Variants in VPS9D1 observed in about 807,000 individuals in gnomAD.
VPS9D1 encodes the protein VPS9 domain-containing protein 1.
Under a neutral mutation model 75.8 loss-of-function variants are expected in VPS9D1, and 78 were observed. The observed-to-expected ratio is 1.03, with a 90% CI of 0.86 to 1.24. The LOEUF is 1.24. Ranked by LOEUF, VPS9D1 falls within the 50% of genes most tolerant of loss-of-function variation. VPS9D1 has a pLI of 0.00. For missense variants in VPS9D1, 1,057 were observed against 847.7 expected (o/e 1.25, Z -3.07); for synonymous variants, 481 against 385.6 (o/e 1.25, Z -2.90).
In VPS9D1 at chr16:89,716,770, C is replaced by G. The variant is rs369968317; in HGVS notation, c.228G>C (p.Gln76His). Residue 76 changes from glutamine to histidine, a missense_variant, in exon 3 of 15, where the codon CAG becomes CAC. Gln to His is a conservative substitution (Grantham distance 24). Coordinates refer to ENST00000389386, the MANE Select transcript of VPS9D1 (RefSeq NM_004913.3). ...PDTSKMLKLA[Q>H]QCLERAQSTA... ...TCGACTGGGCCCTCTCCAGACACTG[C>G]TGTGCTAGCTTCAGCATCTTGGAGG... The G allele has an allele frequency of 1.9e-6, 3 of 1,594,330 alleles. No individual in the cohort carries two copies. Among genetic ancestry groups the G allele is most frequent in the Non-Finnish European group, 2.6e-6 (3 of 1,173,872 alleles).
chr16:89,708,877 C>G lies in VPS9D1; in HGVS notation c.1677G>C (p.Pro559=). The change falls in exon 13 of 15, where the codon CCG becomes CCC. Residue 559 remains proline (P), a synonymous_variant. Coordinates refer to ENST00000389386, the MANE Select transcript of VPS9D1 (RefSeq NM_004913.3). The part of the protein sequence containing the change: ...TPEATPQAGP[P]PIAAAAIGAD... ...CTCACATGGCAGCTGCAGCGATGGG[C>G]GGGGGCCCGGCCTGGGGTGTGGCCT... The G allele has an allele frequency of 1.9e-6, 3 of 1,584,376 alleles. No homozygotes were observed. Among genetic ancestry groups the G allele is most frequent in the Non-Finnish European group, 2.6e-6 (3 of 1,171,922 alleles).
At position 89,717,802 on chromosome 16, in the gene VPS9D1, A is replaced by C. The variant is rs909361288; in HGVS notation, c.176-980T>G. On this transcript the variant is annotated intron_variant, in intron 2 of 14. Coordinates refer to ENST00000389386, the MANE Select transcript of VPS9D1 (RefSeq NM_004913.3). ...GCTCAGCCGAGCTCACCGGCTCCCTAGGGAGCTGGGGCAACTGTTAGCTCC... is the reference window on the plus strand; with the variant it reads ...GCTCAGCCGAGCTCACCGGCTCCCTCGGGAGCTGGGGCAACTGTTAGCTCC... 3.5e-5 allele frequency: 16 copies of C among 456,616 alleles called. No homozygotes were observed. In the Middle Eastern group the frequency reaches 1.3e-3, roughly 37 times the overall value. 28.3% of individuals were successfully genotyped at this position (456,616 alleles called of 1,614,324 possible).
Position 89,712,511 on chromosome 16 carries a change from T to C in VPS9D1, c.555A>G (p.Leu185=), listed in dbSNP as rs139626173. ...CTAGGTTCTCCATCATCTGCCGCTGTAGAGAGAGGGTCTGGGGGGGGAGGA... is the reference window on the plus strand; with the variant it reads ...CTAGGTTCTCCATCATCTGCCGCTGCAGAGAGAGGGTCTGGGGGGGGAGGA... ...AMQKTSLTLS[L]QRQMMENLVI... is the part of the protein sequence containing the mutation. Residue 185 remains leucine, a synonymous_variant, in exon 6 of 15, where the codon CTA becomes CTG. Transcript: ENST00000389386. The C allele has an allele frequency of 3.0e-3, 4,800 of 1,612,864 alleles. 132 individuals carry two copies. The African/African-American group carries it at 0.056, about 19-fold the overall frequency.
intron 12 of VPS9D1, 110 bp downstream of exon 12, chr16:89,709,116 CA>C: frequency 3.4e-6 from 5 of 1,464,540 alleles, no homozygotes; most frequent in Non-Finnish European, 4.6e-6. Context: ...TCTGGTCCCC[CA>C]ACCTCCCCAC....
chr16:89,714,737 C>G (rs2061021142), intron 4 of VPS9D1, among the ~76,000 whole-genome samples: 1 of 152,190 alleles, frequency 6.6e-6, no homozygotes, highest in South Asian at 2.1e-4. Flanking sequence ...CTCCCATTTT[C>G]TTTCTTCTTT....
chr16:89,719,733 T>G (rs1459483973), intron 1 of VPS9D1, among the ~76,000 whole-genome samples: 2 of 152,126 alleles, frequency 1.3e-5, no homozygotes, highest in African/African-American at 4.8e-5. Flanking sequence ...TGTTTTGTTT[T>G]GTTGAGACAG....
In VPS9D1 at chr16:89,711,869, GT is replaced by G; in HGVS notation, c.747+12del. The G allele has an allele frequency of 6.5e-7, 1 of 1,549,722 alleles. No homozygotes were observed. The highest frequency in any genetic ancestry group is 8.7e-7 in the Non-Finnish European group (1 of 1,146,218). On this transcript the variant is annotated intron_variant, in intron 8 of 14. Transcript: ENST00000389386. ...GGCTCCTCCTACAAAGCCTGGGCCCGTGGGGGACGCACATGGTCCTGTTCGT... is the reference window on the plus strand; with the variant it reads ...GGCTCCTCCTACAAAGCCTGGGCCCGGGGGGACGCACATGGTCCTGTTCGT...
intron 2 of VPS9D1, 64 bp from the exon 3 acceptor site, chr16:89,716,886 A>C (rs1444900599): frequency 6.9e-7 from 1 of 1,447,084 alleles, no homozygotes; most frequent in Non-Finnish European, 9.2e-7. Context: ...TGCTGAGATA[A>C]AATGAGGCAA....
chr16:89,718,087 T>C (rs916544826), intron 2 of VPS9D1: 1 of 455,272 alleles, frequency 2.2e-6, no homozygotes, highest in Non-Finnish European at 4.4e-6. Context: ...CTATGTCCAG[T>C]GGCTCCCCCT....
chr16:89,709,939 G>T, intron 10 of VPS9D1, 33 bp from the exon 11 acceptor site: 1 of 1,571,780 alleles, frequency 6.4e-7, no homozygotes, highest in Non-Finnish European at 8.6e-7. Flanking sequence ...CGTCCACAGA[G>T]GCTCCTCCCC....
In VPS9D1 at chr16:89,709,219, C is replaced by T. The variant is rs1203044020; in HGVS notation, c.1597+8G>A. The T allele has an allele frequency of 1.1e-5, 17 of 1,611,892 alleles. No individual in the cohort carries two copies. The highest frequency in any genetic ancestry group is 1.4e-5 in the Non-Finnish European group (17 of 1,179,976). ...CTGTCCCTCCCCCTGACTCTCGAACCTGCTGACCTATGCACTCCAGCTTCT... is the reference window on the plus strand; with the variant it reads ...CTGTCCCTCCCCCTGACTCTCGAACTTGCTGACCTATGCACTCCAGCTTCT... On this transcript the variant is annotated splice_region_variant and intron_variant, in intron 12 of 14. Coordinates refer to ENST00000389386, the MANE Select transcript of VPS9D1 (RefSeq NM_004913.3).
chr16:89,708,597 T>C lies in VPS9D1; in HGVS notation c.1698-66A>G, dbSNP rs1408533362. The C allele has an allele frequency of 4.0e-6, 6 of 1,511,138 alleles. No individual in the cohort carries two copies. The Admixed American group carries it at 7.5e-5, about 19-fold the overall frequency. 93.6% of individuals were successfully genotyped at this position (1,511,138 alleles called of 1,614,324 possible). A position where few individuals can be genotyped will look rare whatever the true frequency, so the allele number is the denominator to read the frequency against. Reference sequence around the variant, plus strand: ...CCTCTCACTCCGCAAACCCAGCAGCTGTGGAGCCATCCTGGCCGTGCTGGC... The same window carrying C: ...CCTCTCACTCCGCAAACCCAGCAGCCGTGGAGCCATCCTGGCCGTGCTGGC... On this transcript the variant is annotated intron_variant, in intron 13 of 14. Coordinates refer to ENST00000389386, the MANE Select transcript of VPS9D1 (RefSeq NM_004913.3).
chr16:89,716,062 T>A (rs999740911), intron 4 of VPS9D1, among the ~76,000 whole-genome samples: 3 of 150,012 alleles, frequency 2.0e-5, no homozygotes, highest in Admixed American at 2.0e-4. Context: ...CAGTGGCTCA[T>A]GCCTGTAATC....
At chr16:89,719,297 C>T (rs1337854197) in intron 1 of VPS9D1, 195 bp from the exon 2 acceptor site, 6 of 649,064 alleles carry the variant, frequency 9.2e-6, no homozygotes, top group East Asian at 3.1e-5. Context: ...CAGGCAGCAT[C>T]GCTGCTCTCC....
At chr16:89,717,476 A>G (rs2061101818) in intron 2 of VPS9D1, 1 of 442,404 alleles carries the variant, frequency 2.3e-6, no homozygotes, top group African/African-American at 2.0e-5. Context: ...GCGACCATGG[A>G]CCTGCTCACA....
intron 4 of VPS9D1, among the ~76,000 whole-genome samples, chr16:89,714,216 G>A (rs1314382684): frequency 6.6e-6 from 1 of 152,140 alleles, no homozygotes; most frequent in Admixed American, 6.5e-5. Flanking sequence ...GGGATTACAG[G>A]CGGGAGCCAC....
chr16:89,718,101 C>T, intron 2 of VPS9D1: 1 of 455,346 alleles, frequency 2.2e-6, no homozygotes, highest in South Asian at 1.6e-5. Flanking sequence ...TCCCCCTGAC[C>T]TCTGTGATCC....
intron 9 of VPS9D1, 130 bp from the exon 10 acceptor site, chr16:89,711,140 C>A: frequency 8.2e-7 from 1 of 1,213,822 alleles, no homozygotes; most frequent in Non-Finnish European, 1.1e-6. Flanking sequence ...GGAAAGTCTG[C>A]CCCCCGCCCC....
At position 89,711,986 on chromosome 16, in the gene VPS9D1, G is replaced by A; in HGVS notation, c.660-17C>T. The A allele has an allele frequency of 1.9e-6, 3 of 1,550,296 alleles. No individual in the cohort carries two copies. The highest frequency in any genetic ancestry group is 2.6e-6 in the Non-Finnish European group (3 of 1,146,648). On this transcript the variant is annotated splice_polypyrimidine_tract_variant and intron_variant, in intron 7 of 14. Coordinates refer to ENST00000389386, the MANE Select transcript of VPS9D1 (RefSeq NM_004913.3). The stretch of plus-strand genomic sequence containing the variant: ...CAAAACCTCCTGGGGAGAAAGGCAC[G>A]CGGTGGGTGCCGGGGCCAGGCCCTC...
Sources: gnomAD v4.1 joint callset for allele counts (sites outside exome capture counted in the v4.1 genomes callset) on GRCh38, gnomAD v4.1.1 for gene constraint, MANE v1.5 for transcripts, NCBI Gene and HGNC (gene_info 2026-07-23, HGNC 2026-07-21) for gene names.